Variants in TSHR observed in about 807,000 individuals in gnomAD.
TSHR encodes the protein thyroid stimulating hormone receptor.
In TSHR, 51 loss-of-function variants were observed where a neutral mutation model predicts 64.1. The observed-to-expected ratio is 0.80, with a 90% CI of 0.64 to 1.01. The LOEUF is 1.01. TSHR is among the 50% of genes least tolerant of loss of function. The probability of loss-of-function intolerance (pLI) is 0.00; values close to 1 mark genes in which losing one functional copy is unlikely to be tolerated. For missense variants in TSHR, 877 were observed against 942.8 expected (o/e 0.93, Z 0.91); for synonymous variants, 361 against 361.9 (o/e 1.00, Z 0.03).
At chr14:81,108,492 TTCTTTTTTTTTTTTTG>T (rs1890053962) in intron 8 of TSHR, 40 bp downstream of exon 8, 1 of 1,593,532 alleles carries the variant, frequency 6.3e-7, no homozygotes, top group Non-Finnish European at 8.5e-7. Context: ...GTCTTTTTTT[TTCTTTTTTTTTTTTTG>T]GAATAAATGG....
chr14:81,123,117 A>G (rs113220562), intron 8 of TSHR, among the ~76,000 whole-genome samples: 5 of 141,174 alleles, frequency 3.5e-5, no homozygotes, highest in African/African-American at 1.2e-4. Context: ...ACAGAGCAAG[A>G]CTCCGTCTAA....
At chr14:80,995,953 A>T (rs188328588) in intron 1 of TSHR, among the ~76,000 whole-genome samples, 2 of 152,200 alleles carry the variant, frequency 1.3e-5, no homozygotes, top group East Asian at 3.9e-4. Context: ...CAAATTTTTG[A>T]TTATGCCATT....
intron 1 of TSHR, among the ~76,000 whole-genome samples, chr14:80,998,926 G>A (rs957407204): frequency 6.6e-6 from 1 of 152,150 alleles, no homozygotes; most frequent in Non-Finnish European, 1.5e-5. Flanking sequence ...TAAGGAAATG[G>A]GCTGTCTCAG....
intron 3 of TSHR, among the ~76,000 whole-genome samples, chr14:81,086,834 T>C (rs1256856948): frequency 6.6e-6 from 1 of 152,246 alleles, no homozygotes; most frequent in African/African-American, 2.4e-5. Flanking sequence ...AAAGACTGCC[T>C]GTTATATGAT....
At chr14:81,029,088 A>G (rs1884217175) in intron 1 of TSHR, among the ~76,000 whole-genome samples, 1 of 152,004 alleles carries the variant, frequency 6.6e-6, no homozygotes, top group Non-Finnish European at 1.5e-5. Flanking sequence ...AAACTGACAT[A>G]TGAAGAAATA....
chr14:80,960,105 A>C (rs1266511602), intron 1 of TSHR, among the ~76,000 whole-genome samples: 1 of 152,236 alleles, frequency 6.6e-6, no homozygotes, highest in Non-Finnish European at 1.5e-5. Context: ...TTAAAGAGAT[A>C]ACAATCTGGC....
chr14:81,011,853 T>A lies in TSHR; in HGVS notation c.171-50295T>A, dbSNP rs535426692. Among the ~76,000 whole-genome samples the A allele has an allele frequency of 8.2e-3, 1,216 of 148,846 alleles. 11 individuals carry two copies. Among genetic ancestry groups the A allele is most frequent in the Non-Finnish European group, 0.011 (716 of 68,028 alleles). ...CCAGACTGGCGACAGAGGGAGACTC[T>A]GTCTCAAAATAAATAAATAAATAAA... On this transcript the variant is annotated intron_variant, in intron 1 of 9. Transcript: ENST00000298171.
At chr14:81,076,391 A>G (rs1240218342) in intron 3 of TSHR, among the ~76,000 whole-genome samples, 1 of 152,120 alleles carries the variant, frequency 6.6e-6, no homozygotes, top group Non-Finnish European at 1.5e-5. Context: ...CTTATCTAAC[A>G]ATTCCCAAAT....
chr14:81,035,734 G>C (rs74064825), intron 1 of TSHR, among the ~76,000 whole-genome samples: 13,175 of 152,168 alleles, frequency 0.087, 1,913 homozygotes, highest in African/African-American at 0.3. Context: ...TTCTTTGTTT[G>C]ATGCTGGGGG....
At chr14:81,068,368 A>G (rs908122616) in intron 3 of TSHR, 40 bp downstream of exon 3, 7 of 1,585,442 alleles carry the variant, frequency 4.4e-6, no homozygotes, top group Non-Finnish European at 6.1e-6. Flanking sequence ...CTAAGCCACA[A>G]CCACTCTTGA....
chr14:81,037,372 ACCACACAGGTAAACTATAAGAGAGGG>A, intron 1 of TSHR, among the ~76,000 whole-genome samples: 1 of 150,798 alleles, frequency 6.6e-6, no homozygotes, highest in African/African-American at 2.4e-5. Flanking sequence ...AAATCACCAA[ACCACACAGGTAAACTATAAGAGAGGG>A]AAAAAGGAAC....
At chr14:81,104,565 C>G (rs934677369) in intron 7 of TSHR, 1 of 985,418 alleles carries the variant, frequency 1.0e-6, no homozygotes, top group African/African-American at 1.7e-5. Flanking sequence ...AACAATCAGG[C>G]TTTCATTCCT....
chr14:81,103,057 A>C lies in TSHR; in HGVS notation c.615-5318A>C, dbSNP rs1889686733. On this transcript the variant is annotated intron_variant, in intron 7 of 9. Coordinates refer to ENST00000298171, the MANE Select transcript of TSHR (RefSeq NM_000369.5). The surrounding 1 kb of genome is among the most constrained non-coding windows in gnomAD (Gnocchi z 4.1). ...ATTCTTTCCTAGATTTAAGCACTTC[A>C]GTAAAAGGTATCATGTAAATCCAGT... 1 of 985,320 alleles carries C rather than the reference A, an allele frequency of 1.0e-6. No homozygotes were observed. The highest frequency in any genetic ancestry group is 1.7e-5 in the African/African-American group (1 of 57,240). 61.0% of individuals were successfully genotyped at this position (985,320 alleles called of 1,614,324 possible).
chr14:80,983,284 G>A lies in TSHR; in HGVS notation c.170+27434G>A, dbSNP rs920941185. ...CAGCAATCTGGATCAAAGATACTAGGGCAACTGACTACTGATTTTGTCCAT... is the reference window on the plus strand; with the variant it reads ...CAGCAATCTGGATCAAAGATACTAGAGCAACTGACTACTGATTTTGTCCAT... On this transcript the variant is annotated intron_variant, in intron 1 of 9. Coordinates refer to ENST00000298171, the MANE Select transcript of TSHR (RefSeq NM_000369.5). 13 of 1,181,544 alleles carry A rather than the reference G, an allele frequency of 1.1e-5. No homozygotes were observed. In the African/African-American group the frequency reaches 1.5e-4, roughly 14 times the overall value. 73.2% of individuals were successfully genotyped at this position (1,181,544 alleles called of 1,614,324 possible).
intron 1 of TSHR, among the ~76,000 whole-genome samples, chr14:81,007,694 G>T (rs969644136): frequency 2.0e-5 from 3 of 152,130 alleles, no homozygotes; most frequent in Admixed American, 6.5e-5. Context: ...CTTACAGAAT[G>T]GGAAGTTTAG....
At chr14:80,991,559 GAA>G (rs1181330617) in intron 1 of TSHR, 2 of 398,364 alleles carry the variant, frequency 5.0e-6, no homozygotes, top group Non-Finnish European at 8.8e-6. Context: ...GAAGAGAGAG[GAA>G]AAAAGTCTGG....
chr14:81,144,124 TG>T lies in TSHR; in HGVS notation c.2067del (p.Phe690SerfsTer39). The T allele has an allele frequency of 6.2e-7, 1 of 1,614,160 alleles. No homozygotes were observed. The highest frequency in any genetic ancestry group is 1.1e-5 in the South Asian group (1 of 91,082). On this transcript the variant is annotated frameshift_variant, in exon 10 of 10. Transcript: ENST00000298171. LOFTEE classifies it high-confidence loss of function. ...TTCACCAAGGCCTTCCAGAGGGATG[TG>T]TTCATCCTACTCAGCAAGTTTGGCA... ...AIFTKAFQRD[V>X]FILLSKFGIC...
chr14:81,090,095 T>C (rs1888607571), intron 4 of TSHR, among the ~76,000 whole-genome samples: 1 of 152,218 alleles, frequency 6.6e-6, no homozygotes, highest in Admixed American at 6.5e-5. Context: ...CAACAAATGT[T>C]AAAACAACTA....
chr14:81,015,573 A>G (rs1566763943), intron 1 of TSHR, among the ~76,000 whole-genome samples: 1 of 152,196 alleles, frequency 6.6e-6, no homozygotes, highest in African/African-American at 2.4e-5. Context: ...ATATCGTAGA[A>G]TAGCTAAATG....
Sources: gnomAD v4.1 joint callset for allele counts (sites outside exome capture counted in the v4.1 genomes callset) on GRCh38, gnomAD v4.1.1 for gene constraint, Gnocchi (gnomAD v3.1) non-coding constraint, MANE v1.5 for transcripts, NCBI Gene and HGNC (gene_info 2026-07-23, HGNC 2026-07-21) for gene names.